Variants in PRKX observed in about 807,000 individuals in gnomAD.
The protein encoded by PRKX is protein kinase cAMP-dependent X-linked catalytic subunit, also known as cAMP-dependent protein kinase catalytic subunit PRKX.
Under a neutral mutation model 22.0 loss-of-function variants are expected in PRKX, and 12 were observed. That is an observed-to-expected ratio of 0.54 (90% CI 0.35 to 0.88). PRKX has a LOEUF of 0.88. PRKX is among the 40% of genes least tolerant of loss of function. The pLI, the probability that PRKX is intolerant of heterozygous loss-of-function variation, is 0.01. For synonymous variants in PRKX, 134 were observed against 137.7 expected, an observed-to-expected ratio of 0.97 and a Z score of 0.19; for missense variants, 217 against 308.0, an observed-to-expected ratio of 0.70 and a Z score of 2.21.
At chrX:3,618,620 T>TA (rs58324502) in intron 6 of PRKX, among the ~76,000 whole-genome samples, 2 of 108,744 alleles carry the variant, frequency 1.8e-5, no homozygotes, top group East Asian at 2.8e-4. Flanking sequence ...TGTGTTAATT[T>TA]AAAAAAAAAA....
chrX:3,616,666 T>G (rs1401260701), intron 6 of PRKX, among the ~76,000 whole-genome samples: 1 of 112,482 alleles, frequency 8.9e-6, no homozygotes, highest in Non-Finnish European at 1.9e-5. Flanking sequence ...TTCAAATTTC[T>G]TATCCTTAAA....
chrX:3,669,230 A>T (rs1927797545), intron 2 of PRKX, among the ~76,000 whole-genome samples: 1 of 112,416 alleles, frequency 8.9e-6, no homozygotes, highest in South Asian at 3.7e-4. Flanking sequence ...TCAATCACTT[A>T]TCTAATATCT....
intron 7 of PRKX, among the ~76,000 whole-genome samples, chrX:3,615,459 A>G (rs1160249783): frequency 8.9e-6 from 1 of 111,734 alleles, no homozygotes; most frequent in Non-Finnish European, 1.9e-5. Flanking sequence ...ACCGCTTTCC[A>G]CTAAAGAGGA....
chrX:3,617,189 A>T (rs1454003640), intron 6 of PRKX, among the ~76,000 whole-genome samples: 1 of 110,196 alleles, frequency 9.1e-6, no homozygotes, highest in African/African-American at 3.3e-5. Flanking sequence ...CATTAAATAT[A>T]CACATACTTA....
chrX:3,626,343 G>C, intron 5 of PRKX, 76 bp downstream of exon 5: 1 of 765,749 alleles, frequency 1.3e-6, no homozygotes, highest in Non-Finnish European at 2.0e-6. Context: ...GTATCCTGCT[G>C]AGTGCGTGCT....
chrX:3,713,546 T>TG lies in PRKX; in HGVS notation c.-294dup, dbSNP rs1409485264. The TG allele has an allele frequency of 3.6e-4, 65 of 178,510 alleles. No individual in the cohort carries two copies. Among genetic ancestry groups the TG allele is most frequent in the Middle Eastern group, 1.8e-3 (1 of 553 alleles). 14.7% of individuals were successfully genotyped at this position (178,510 alleles called of 1,213,427 possible). On this transcript the variant is annotated 5_prime_UTR_variant, in exon 1 of 9. The change abolishes the stop of an existing upstream ORF in the 5' untranslated region. Coordinates refer to ENST00000262848, the MANE Select transcript of PRKX (RefSeq NM_005044.5). ...GGAAGGCGGGGGCCGCGGCCCGGGC[T>TG]GGGGGGGGCGAGGCGGGGGCCCTGC...
chrX:3,685,395 C>T (rs1487090411), intron 1 of PRKX, among the ~76,000 whole-genome samples: 7 of 110,284 alleles, frequency 6.3e-5, no homozygotes, highest in Non-Finnish European at 9.5e-5. Flanking sequence ...ATTCAAGAGG[C>T]GTCATCCCAT....
At chrX:3,669,458 C>G (rs772932669) in intron 2 of PRKX, among the ~76,000 whole-genome samples, 51 of 111,956 alleles carry the variant, frequency 4.6e-4, no homozygotes, top group South Asian at 1.1e-3. Flanking sequence ...TTTAGATACT[C>G]GTCATAGATG....
chrX:3,670,215 T>G (rs1339856709), intron 2 of PRKX: 1 of 123,598 alleles, frequency 8.1e-6, no homozygotes, highest in Non-Finnish European at 1.9e-5. Flanking sequence ...GAGGATGAAA[T>G]TCATTCTTCA....
At chrX:3,611,629 A>G (rs1159593662) in intron 8 of PRKX, among the ~76,000 whole-genome samples, 1 of 111,881 alleles carries the variant, frequency 8.9e-6, no homozygotes, top group East Asian at 2.8e-4. Context: ...TTCATGAGGG[A>G]TTCTAAAAAA....
intron 1 of PRKX, among the ~76,000 whole-genome samples, chrX:3,696,749 G>A (rs768248611): frequency 1.9e-4 from 21 of 112,281 alleles, no homozygotes; most frequent in Middle Eastern, 4.6e-3. Flanking sequence ...GCTGGACGCG[G>A]TGGCTCACAA....
At chrX:3,616,686 G>A (rs919885485) in intron 6 of PRKX, among the ~76,000 whole-genome samples, 7 of 112,165 alleles carry the variant, frequency 6.2e-5, no homozygotes, top group African/African-American at 9.7e-5. Flanking sequence ...AGAGGAATAC[G>A]TCCACAACCA....
rs186288195 is a variant in PRKX at position 3,642,025 on chromosome X, G to A, written c.600-54C>T. 1.5e-4 allele frequency: 108 copies of A among 697,599 alleles called. No homozygotes were observed. The African/African-American group carries it at 1.9e-3, about 12-fold the overall frequency. 57.5% of individuals were successfully genotyped at this position (697,599 alleles called of 1,213,427 possible). ...CAACACTCAGTGGTGCTTGGCTAATGCAGTCACCTTAGAAGCTCTGATTGT... is the reference window on the plus strand; with the variant it reads ...CAACACTCAGTGGTGCTTGGCTAATACAGTCACCTTAGAAGCTCTGATTGT... On this transcript the variant is annotated intron_variant, in intron 3 of 8. Transcript: ENST00000262848.
Position 3,641,712 on chromosome X carries a change from AG to A in PRKX, c.719+139del, listed in dbSNP as rs1927082113. The A allele has an allele frequency of 5.6e-5, 12 of 215,997 alleles. No individual in the cohort carries two copies. In the East Asian group the frequency reaches 1.1e-3, roughly 20 times the overall value. The allele number at this position is 215,997 out of a possible 1,213,427, so 17.8% of individuals were successfully genotyped here. A position where few individuals can be genotyped will look rare whatever the true frequency, so the allele number is the denominator to read the frequency against. ...ACATTGCCAACCTCAGCAGGGCAGC[AG>A]ATGTGTGTGCAGCCACACTGTGTGT... On this transcript the variant is annotated intron_variant, in intron 4 of 8. Coordinates refer to ENST00000262848, the MANE Select transcript of PRKX (RefSeq NM_005044.5).
At chrX:3,712,351 T>C (rs1928807635) in intron 1 of PRKX, among the ~76,000 whole-genome samples, 1 of 111,788 alleles carries the variant, frequency 8.9e-6, no homozygotes, top group Non-Finnish European at 1.9e-5. Flanking sequence ...CACTCAGGGC[T>C]GCTCCATAAA....
chrX:3,712,560 C>T (rs1648505706), intron 1 of PRKX, among the ~76,000 whole-genome samples: 1 of 112,655 alleles, frequency 8.9e-6, no homozygotes, highest in South Asian at 3.7e-4. Context: ...CGCTGCCGTC[C>T]TCGTCCCCAC....
Position 3,713,135 on chromosome X carries a change from T to G in PRKX, c.119A>C (p.Glu40Ala). The G allele has an allele frequency of 8.7e-7, 1 of 1,155,394 alleles. No individual in the cohort carries two copies. Among genetic ancestry groups the G allele is most frequent in the Non-Finnish European group, 1.1e-6 (1 of 871,354 alleles). The change falls in exon 1 of 9, where the codon GAG becomes GCG. Residue 40 changes from glutamate (E) to alanine (A), a missense_variant. Physicochemically the swap from Glu to Ala is moderately radical, Grantham distance 107. Coordinates refer to ENST00000262848, the MANE Select transcript of PRKX (RefSeq NM_005044.5). ...GTCCTGCAGGCTGTACACAGGCGGCTCCGGCGACAGCGCCTCAGGGCTGGG... is the reference window on the plus strand; with the variant it reads ...GTCCTGCAGGCTGTACACAGGCGGCGCCGGCGACAGCGCCTCAGGGCTGGG... ...LCPSPEALSP[E>A]PPVYSLQDFD...
chrX:3,621,242 C>A lies in PRKX; in HGVS notation c.873+17G>T. The A allele has an allele frequency of 8.3e-7, 1 of 1,200,493 alleles. No individual in the cohort carries two copies. The highest frequency in any genetic ancestry group is 1.8e-5 in the South Asian group (1 of 56,367). ...CACATCGGGTACCACTGAATACCCA[C>A]GGGATCAAATACTGACCTTCATGTT... On this transcript the variant is annotated intron_variant, in intron 6 of 8. Transcript: ENST00000262848.
chrX:3,630,492 G>A (rs371669403), intron 4 of PRKX, among the ~76,000 whole-genome samples: 217 of 111,526 alleles, frequency 1.9e-3, no homozygotes, highest in African/African-American at 6.6e-3. Flanking sequence ...CCCGGGAGGC[G>A]GAGCTTGCAG....
Sources: allele counts gnomAD v4.1 joint callset (sites outside exome capture counted in the v4.1 genomes callset), GRCh38; gene constraint gnomAD v4.1.1; transcripts MANE v1.5; gene names NCBI Gene and HGNC (gene_info 2026-07-23, HGNC 2026-07-21).